PLPP3: variants seen among roughly 807,000 people sequenced by gnomAD.
PLPP3 encodes the protein phospholipid phosphatase 3.
In PLPP3, 6 loss-of-function variants were observed where a neutral mutation model predicts 29.6. The observed-to-expected ratio is 0.20, with a 90% CI of 0.11 to 0.40. The LOEUF (loss-of-function observed/expected upper bound fraction) is 0.40, where lower values mean the gene tolerates loss of function less well. PLPP3 is among the 10% of genes least tolerant of loss of function. The pLI is 1.00. For synonymous variants in PLPP3, 152 were observed against 159.7 expected (o/e 0.95, Z 0.36); for missense variants, 308 against 407.7 (o/e 0.76, Z 2.11).
chr1:56,560,635 C>T (rs966624174), intron 1 of PLPP3, among the ~76,000 whole-genome samples: 2 of 152,304 alleles, frequency 1.3e-5, no homozygotes, highest in South Asian at 2.1e-4. Flanking sequence ...ACTCTGCCCT[C>T]ATGACCTAAT....
chr1:56,554,089 G>C (rs918095545), intron 1 of PLPP3, among the ~76,000 whole-genome samples: 2 of 151,608 alleles, frequency 1.3e-5, no homozygotes, highest in African/African-American at 4.9e-5. Flanking sequence ...AATGAGACTC[G>C]AGTGGGTGAT....
intron 2 of PLPP3, among the ~76,000 whole-genome samples, chr1:56,532,855 T>C (rs567145682): frequency 2.6e-4 from 40 of 152,138 alleles, no homozygotes; most frequent in Non-Finnish European, 4.9e-4. Context: ...CCAAGAAATA[T>C]ACAAGTAAAC....
intron 1 of PLPP3, among the ~76,000 whole-genome samples, chr1:56,570,638 T>C (rs1646191385): frequency 6.6e-6 from 1 of 152,242 alleles, no homozygotes; most frequent in African/African-American, 2.4e-5. Context: ...CTTTTGAATG[T>C]TGGCACTGAC....
At chr1:56,506,780 G>A (rs1645705007) in intron 5 of PLPP3, among the ~76,000 whole-genome samples, 1 of 152,190 alleles carries the variant, frequency 6.6e-6, no homozygotes, top group Admixed American at 6.5e-5. Context: ...GAGGGGGCTG[G>A]GAGAGCCAAT....
intron 1 of PLPP3, among the ~76,000 whole-genome samples, chr1:56,578,026 C>T (rs1443737545): frequency 6.6e-6 from 1 of 152,080 alleles, no homozygotes; most frequent in African/African-American, 2.4e-5. Context: ...TCCTCCTCGC[C>T]CTCCCACTCC....
At chr1:56,552,068 T>C (rs1646043053) in intron 1 of PLPP3, among the ~76,000 whole-genome samples, 2 of 152,148 alleles carry the variant, frequency 1.3e-5, no homozygotes, top group African/African-American at 4.8e-5. Context: ...GTTCTTTCCA[T>C]ATTCCTATGC....
chr1:56,537,057 C>T lies in PLPP3; in HGVS notation c.195G>A (p.Gly65=). 6.2e-7 allele frequency: 1 copy of T among 1,613,654 alleles called. No individual in the cohort carries two copies. Among genetic ancestry groups the T allele is most frequent in the Non-Finnish European group, 8.5e-7 (1 of 1,179,834 alleles). Residue 65 remains glycine (G), a synonymous_variant, in exon 2 of 6, where the codon GGG becomes GGA. Transcript: ENST00000371250. Reference sequence around the variant, plus strand: ...TGATGCTCTCATCATTGCAGTAAAACCCTCGGTGGTAAGGCTTGATGGTGC... The same window carrying T: ...TGATGCTCTCATCATTGCAGTAAAATCCTCGGTGGTAAGGCTTGATGGTGC... ...ETSTIKPYHR[G]FYCNDESIKY...
At chr1:56,578,783 G>GGCGCGGCGCGGCGCT in intron 1 of PLPP3, 95 bp downstream of exon 1, 1 of 1,233,084 alleles carries the variant, frequency 8.1e-7, no homozygotes, top group South Asian at 3.1e-5. Flanking sequence ...CTGACGGCGC[G>GGCGCGGCGCGGCGCT]GCGCGGCGCG....
chr1:56,497,267 G>A (rs187903508), intron 5 of PLPP3, among the ~76,000 whole-genome samples: 5 of 152,330 alleles, frequency 3.3e-5, no homozygotes, highest in Admixed American at 2.6e-4. Context: ...GACAAATCTC[G>A]TATCACTCAT....
At chr1:56,545,707 A>C (rs1289050038) in intron 1 of PLPP3, among the ~76,000 whole-genome samples, 2 of 152,226 alleles carry the variant, frequency 1.3e-5, no homozygotes, top group Non-Finnish European at 2.9e-5. Flanking sequence ...TTTTTCCAGC[A>C]GTTAAAAATT....
intron 1 of PLPP3, among the ~76,000 whole-genome samples, chr1:56,552,751 T>G (rs923490429): frequency 6.6e-6 from 1 of 152,208 alleles, no homozygotes. Flanking sequence ...TGATTTCAGA[T>G]GCTAAACATT....
intron 2 of PLPP3, among the ~76,000 whole-genome samples, chr1:56,532,357 C>A (rs1446011716): frequency 6.6e-6 from 1 of 152,094 alleles, no homozygotes. Context: ...CACTAATGCA[C>A]CACTGGGCCA....
At chr1:56,552,139 T>A (rs1646043819) in intron 1 of PLPP3, among the ~76,000 whole-genome samples, 1 of 151,922 alleles carries the variant, frequency 6.6e-6, no homozygotes, top group South Asian at 2.1e-4. Flanking sequence ...CATATTTTCA[T>A]GTCTGCCTCC....
rs71048436 is a variant in PLPP3, at chr1:56,501,007, C to CAAAA, written c.811-4335_811-4332dup. On this transcript the variant is annotated intron_variant, in intron 5 of 5. Coordinates refer to ENST00000371250, the MANE Select transcript of PLPP3 (RefSeq NM_003713.5). ...CGAGACAGCGAGACTCTGTCTCAGA[C>CAAAA]AAAAAAAAAAAAAAAAAAAAAAAAA... 3.3e-4 allele frequency among the ~76,000 whole-genome samples: 28 copies of CAAAA among 84,926 alleles called. 1 individual carries two copies. Among genetic ancestry groups the CAAAA allele is most frequent in the Admixed American group, 6.0e-4 (4 of 6,620 alleles). The allele number at this position is 84,926 out of a possible 152,430, so 55.7% of individuals were successfully genotyped here. A position where few individuals can be genotyped will look rare whatever the true frequency, so the allele number is the denominator to read the frequency against.
intron 5 of PLPP3, among the ~76,000 whole-genome samples, chr1:56,501,873 T>C (rs1198747566): frequency 3.3e-5 from 5 of 152,266 alleles, no homozygotes; most frequent in Non-Finnish European, 7.3e-5. Flanking sequence ...GGCAATATGC[T>C]GATGGGAGTT....
At position 56,524,486 on chromosome 1, in the gene PLPP3, G is replaced by A. The variant is rs370490743; in HGVS notation, c.366C>T (p.Tyr122=). The change falls in exon 3 of 6, where the codon TAC becomes TAT. Residue 122 remains tyrosine (Y), a synonymous_variant. Coordinates refer to ENST00000371250, the MANE Select transcript of PLPP3 (RefSeq NM_003713.5). This position sits in a 1 kb window ranked among gnomAD's most constrained non-coding sequence, Gnocchi z 4.3. ...CCACTTGCTTATAGAGTGCTGCCAC[G>A]TAGGGGTTCTGAATCGTCGACCGCG... ...KKSRSTIQNP[Y]VAALYKQVGC... is the part of the protein sequence containing the mutation. 1.2e-5 allele frequency: 19 copies of A among 1,614,000 alleles called. No individual in the cohort carries two copies. In the African/African-American group the frequency reaches 1.2e-4, roughly 10 times the overall value.
At chr1:56,548,693 T>C (rs767163006) in intron 1 of PLPP3, among the ~76,000 whole-genome samples, 4 of 152,084 alleles carry the variant, frequency 2.6e-5, no homozygotes, top group Non-Finnish European at 5.9e-5. Context: ...TAACCACCCA[T>C]CAACAATGTG....
chr1:56,547,352 C>A (rs1426666816), intron 1 of PLPP3, among the ~76,000 whole-genome samples: 2 of 152,180 alleles, frequency 1.3e-5, no homozygotes, highest in Non-Finnish European at 2.9e-5. Context: ...TGGCCCCCTA[C>A]CAAATACACT....
At chr1:56,552,271 T>C (rs1427276873) in intron 1 of PLPP3, among the ~76,000 whole-genome samples, 4 of 151,688 alleles carry the variant, frequency 2.6e-5, no homozygotes, top group Admixed American at 6.6e-5. Context: ...GATAGACTGA[T>C]TCCGGGCCCT....
Sources: gnomAD v4.1 joint callset for allele counts (sites outside exome capture counted in the v4.1 genomes callset) on GRCh38, gnomAD v4.1.1 for gene constraint, Gnocchi (gnomAD v3.1) non-coding constraint, MANE v1.5 for transcripts, NCBI Gene and HGNC (gene_info 2026-07-23, HGNC 2026-07-21) for gene names.